The following ABTB3 variants were observed in gnomAD, a reference collection of about 807,000 sequenced individuals.
ABTB3 encodes the protein ankyrin repeat- and BTB/POZ domain-containing protein 3.
chr12:107,578,392 T>C, the ABTB3 span, among the ~76,000 whole-genome samples: 2 of 130,540 alleles, frequency 1.5e-5, no homozygotes, highest in African/African-American at 6.4e-5. Context: ...TCTTTTTTTT[T>C]TTTTTTTTTT....
chr12:107,402,493 G>T, the ABTB3 span, among the ~76,000 whole-genome samples: 2 of 152,160 alleles, frequency 1.3e-5, no homozygotes, highest in African/African-American at 4.8e-5. Flanking sequence ...GGGCCCTTGG[G>T]ATATGGTACC....
chr12:107,430,380 T>A, the ABTB3 span, among the ~76,000 whole-genome samples: 3 of 152,258 alleles, frequency 2.0e-5, no homozygotes, highest in Admixed American at 6.5e-5. Flanking sequence ...TGGATTAAAA[T>A]GTGTGAAAAA....
the ABTB3 span, chr12:107,635,522 G>C: frequency 1.6e-6 from 1 of 642,544 alleles, no homozygotes; most frequent in Admixed American, 3.1e-5. Context: ...AGTCAGGCCG[G>C]GGGAGATCAG....
At chr12:107,550,620 AC>A in the ABTB3 span, among the ~76,000 whole-genome samples, 1 of 143,384 alleles carries the variant, frequency 7.0e-6, no homozygotes, top group Non-Finnish European at 1.5e-5. Context: ...TCAATCTGTC[AC>A]CCAGGTTGGA....
At chr12:107,572,556 C>T in the ABTB3 span, among the ~76,000 whole-genome samples, 18 of 152,172 alleles carry the variant, frequency 1.2e-4, no homozygotes, top group Non-Finnish European at 2.5e-4. Flanking sequence ...CAGGCTGATG[C>T]TCCAGGAGGA....
At chr12:107,491,213 C>T in the ABTB3 span, among the ~76,000 whole-genome samples, 1 of 152,144 alleles carries the variant, frequency 6.6e-6, no homozygotes, top group Non-Finnish European at 1.5e-5. Context: ...CTCCTTCGCC[C>T]TGAGCCTTGG....
the ABTB3 span, among the ~76,000 whole-genome samples, chr12:107,607,853 C>T: frequency 1.3e-5 from 2 of 152,184 alleles, no homozygotes. Context: ...GGGGCACACA[C>T]GTCGCATCCA....
chr12:107,522,882 G>A, the ABTB3 span, among the ~76,000 whole-genome samples: 1 of 152,016 alleles, frequency 6.6e-6, no homozygotes, highest in Non-Finnish European at 1.5e-5. Flanking sequence ...AATCAAGGTT[G>A]GGGTGTCCCA....
chr12:107,404,522 GA>G, the ABTB3 span, among the ~76,000 whole-genome samples: 1 of 152,258 alleles, frequency 6.6e-6, no homozygotes, highest in Admixed American at 6.5e-5. Context: ...ATGCATACTA[GA>G]GATGGGTGTG....
the ABTB3 span, among the ~76,000 whole-genome samples, chr12:107,366,826 C>A: frequency 6.6e-6 from 1 of 152,168 alleles, no homozygotes; most frequent in Non-Finnish European, 1.5e-5. Context: ...ACTGATTATT[C>A]TTTCTGGAAG....
the ABTB3 span, among the ~76,000 whole-genome samples, chr12:107,339,970 G>A: frequency 5.3e-5 from 8 of 151,838 alleles, no homozygotes; most frequent in Admixed American, 2.6e-4. Flanking sequence ...TTGCTGTGTT[G>A]ATATCATATT....
chr12:107,428,468 C>T, the ABTB3 span, among the ~76,000 whole-genome samples: 1 of 152,284 alleles, frequency 6.6e-6, no homozygotes. Flanking sequence ...CACCCCTCCA[C>T]CAATGAAGGA....
At chr12:107,448,346 C>T in the ABTB3 span, among the ~76,000 whole-genome samples, 1 of 152,172 alleles carries the variant, frequency 6.6e-6, no homozygotes, top group Admixed American at 6.5e-5. Flanking sequence ...GCTTGAGTCT[C>T]ACATCCAGGG....
the ABTB3 span, among the ~76,000 whole-genome samples, chr12:107,622,532 A>G: frequency 6.6e-6 from 1 of 151,986 alleles, no homozygotes; most frequent in Non-Finnish European, 1.5e-5. Flanking sequence ...CCCAGACTGG[A>G]GTGCAGTAGC....
At chr12:107,338,059 A>AT in the ABTB3 span, among the ~76,000 whole-genome samples, 96 of 151,982 alleles carry the variant, frequency 6.3e-4, no homozygotes, top group African/African-American at 2.1e-3. Flanking sequence ...GACCAGAACC[A>AT]TTTTTTTTCC....
the ABTB3 span, among the ~76,000 whole-genome samples, chr12:107,626,151 A>G: frequency 6.6e-6 from 1 of 151,596 alleles, no homozygotes; most frequent in African/African-American, 2.4e-5. Context: ...CCAGTCCCAA[A>G]CTCCCTAGGT....
chr12:107,347,402 T>C, the ABTB3 span, among the ~76,000 whole-genome samples: 19 of 152,158 alleles, frequency 1.2e-4, no homozygotes, highest in Non-Finnish European at 2.6e-4. Context: ...CATATTGGCT[T>C]CAAGAAACCA....
At chr12:107,610,113 G>C in the ABTB3 span, 1 of 1,552,826 alleles carries the variant, frequency 6.4e-7, no homozygotes, top group Non-Finnish European at 8.9e-7. Context: ...AATGTCCCAG[G>C]GTGCTTCCTG....
the ABTB3 span, among the ~76,000 whole-genome samples, chr12:107,561,011 G>A: frequency 6.6e-6 from 1 of 152,230 alleles, no homozygotes; most frequent in African/African-American, 2.4e-5. Context: ...GAGTTAGCCA[G>A]TCAGGTTCAG....
Sources: gnomAD v4.1 joint callset for allele counts (sites outside exome capture counted in the v4.1 genomes callset) on GRCh38, gnomAD v4.1.1 for gene constraint, MANE v1.5 for transcripts, NCBI Gene and HGNC (gene_info 2026-07-23, HGNC 2026-07-21) for gene names.